The following WFDC10B variants were observed in gnomAD, a reference collection of about 807,000 sequenced individuals.
WFDC10B encodes the protein protein WFDC10B.
Under a neutral mutation model 2.7 loss-of-function variants are expected in WFDC10B, and 1 was observed. That is an observed-to-expected ratio of 0.38 (90% CI 0.13 to 1.79). The LOEUF is 1.79. Ranked by LOEUF, WFDC10B falls within the 40% of genes most tolerant of loss-of-function variation. The pLI is 0.33. For missense variants in WFDC10B, 71 were observed against 87.8 expected, an observed-to-expected ratio of 0.81 and a Z score of 0.76; for synonymous variants, 26 against 32.2, an observed-to-expected ratio of 0.81 and a Z score of 0.65.
chr20:45,689,530 G>T (rs1376566279), intron 2 of WFDC10B, among the ~76,000 whole-genome samples: 2 of 152,136 alleles, frequency 1.3e-5, no homozygotes, highest in Non-Finnish European at 2.9e-5. Context: ...GCAGTGGTTT[G>T]TAGTTCTCCT....
intron 2 of WFDC10B, among the ~76,000 whole-genome samples, chr20:45,689,455 G>A (rs887109318): frequency 1.3e-5 from 2 of 151,984 alleles, no homozygotes; most frequent in Non-Finnish European, 2.9e-5. Context: ...TCATGATATT[G>A]ATTCTTCCTA....
At chr20:45,704,737 T>C (rs767157519) in intron 1 of WFDC10B, 176 bp from the exon 2 acceptor site, 58 of 1,401,040 alleles carry the variant, frequency 4.1e-5, no homozygotes, top group Non-Finnish European at 5.2e-5. Flanking sequence ...CCCCTTCTCT[T>C]GACCAAGGAT....
intron 2 of WFDC10B, among the ~76,000 whole-genome samples, chr20:45,696,847 A>C (rs1983993787): frequency 2.0e-5 from 3 of 152,282 alleles, no homozygotes; most frequent in Admixed American, 2.0e-4. Context: ...ACATTTTTTT[A>C]TTAACACCAA....
chr20:45,687,539 G>A (rs1983660644), intron 2 of WFDC10B, among the ~76,000 whole-genome samples: 1 of 152,146 alleles, frequency 6.6e-6, no homozygotes, highest in Non-Finnish European at 1.5e-5. Context: ...TAATGGGGTT[G>A]CTGGGTCAAA....
intron 2 of WFDC10B, among the ~76,000 whole-genome samples, chr20:45,686,828 T>C (rs994099003): frequency 1.1e-4 from 16 of 151,976 alleles, no homozygotes; most frequent in African/African-American, 2.9e-4. Context: ...ACCCAGATAA[T>C]TGTTGTATTT....
intron 2 of WFDC10B, among the ~76,000 whole-genome samples, chr20:45,686,670 C>T (rs985213274): frequency 2.8e-5 from 4 of 143,522 alleles, no homozygotes; most frequent in African/African-American, 1.0e-4. Context: ...ATAAATTCTT[C>T]TTTTTTTTTT....
At chr20:45,700,582 AT>A (rs1465218524) in intron 2 of WFDC10B, among the ~76,000 whole-genome samples, 4 of 152,236 alleles carry the variant, frequency 2.6e-5, no homozygotes, top group African/African-American at 9.6e-5. Flanking sequence ...GGATATAAAA[AT>A]GTTATCATCT....
intron 2 of WFDC10B, among the ~76,000 whole-genome samples, chr20:45,699,000 G>GGGGAGA (rs1984064924): frequency 6.6e-6 from 1 of 150,884 alleles, no homozygotes; most frequent in Admixed American, 6.6e-5. Flanking sequence ...GGAGAAGGAG[G>GGGGAGA]GGGAGGGGGA....
At chr20:45,704,158 C>G (rs1215683909) in intron 2 of WFDC10B, among the ~76,000 whole-genome samples, 1 of 152,206 alleles carries the variant, frequency 6.6e-6, no homozygotes, top group Non-Finnish European at 1.5e-5. Flanking sequence ...TGGACACAAC[C>G]ATAGTCAATG....
chr20:45,685,078 G>A (rs1380961987), intron 3 of WFDC10B, 118 bp from the exon 4 acceptor site: 4 of 1,327,954 alleles, frequency 3.0e-6, no homozygotes, highest in Non-Finnish European at 4.1e-6. Context: ...GACTCTCCTG[G>A]ACTCTTCAGG....
chr20:45,695,888 C>T (rs1260097035), intron 2 of WFDC10B, among the ~76,000 whole-genome samples: 1 of 151,506 alleles, frequency 6.6e-6, no homozygotes, highest in Non-Finnish European at 1.5e-5. Context: ...AAAAAACTTT[C>T]GGATGAATGA....
At chr20:45,686,521 G>T (rs1332945722) in intron 2 of WFDC10B, among the ~76,000 whole-genome samples, 2 of 144,256 alleles carry the variant, frequency 1.4e-5, no homozygotes, top group Non-Finnish European at 3.0e-5. Context: ...TTCTCAAAAA[G>T]AAAAGACATA....
intron 2 of WFDC10B, among the ~76,000 whole-genome samples, chr20:45,691,482 G>T (rs1568671185): frequency 6.6e-6 from 1 of 150,800 alleles, no homozygotes; most frequent in African/African-American, 2.4e-5. Context: ...AAGTCTCTTT[G>T]TAGGTCACTC....
At chr20:45,694,417 T>C (rs1202309887) in intron 2 of WFDC10B, among the ~76,000 whole-genome samples, 1 of 152,158 alleles carries the variant, frequency 6.6e-6, no homozygotes, top group Admixed American at 6.5e-5. Flanking sequence ...TTGTGTCAAA[T>C]ATTGTTAAAA....
chr20:45,690,290 T>G (rs1055778004), intron 2 of WFDC10B, among the ~76,000 whole-genome samples: 1 of 151,374 alleles, frequency 6.6e-6, no homozygotes, highest in Non-Finnish European at 1.5e-5. Context: ...AGGATATTGG[T>G]CTAAAATTCT....
At chr20:45,696,285 C>CAAAAA (rs368423161) in intron 2 of WFDC10B, among the ~76,000 whole-genome samples, 1 of 48,180 alleles carries the variant, frequency 2.1e-5, no homozygotes, top group African/African-American at 7.5e-5. Context: ...GACTCCGTCT[C>CAAAAA]AAAAAAAAAA....
At chr20:45,700,396 T>C (rs1272117594) in intron 2 of WFDC10B, among the ~76,000 whole-genome samples, 1 of 152,066 alleles carries the variant, frequency 6.6e-6, no homozygotes, top group Non-Finnish European at 1.5e-5. Context: ...GCAAGGACAA[T>C]ATGAGAAAGA....
intron 2 of WFDC10B, among the ~76,000 whole-genome samples, chr20:45,690,789 C>T (rs192883771): frequency 6.6e-6 from 1 of 152,130 alleles, no homozygotes; most frequent in Non-Finnish European, 1.5e-5. Context: ...AAAACCAGCT[C>T]CTAGATTCAT....
intron 2 of WFDC10B, among the ~76,000 whole-genome samples, chr20:45,695,173 G>A (rs756285630): frequency 6.6e-6 from 1 of 152,178 alleles, no homozygotes; most frequent in Non-Finnish European, 1.5e-5. Flanking sequence ...AAGTGCAGGA[G>A]GCCCAAGACT....
Sources: gnomAD v4.1 joint callset for allele counts (sites outside exome capture counted in the v4.1 genomes callset) on GRCh38, gnomAD v4.1.1 for gene constraint, MANE v1.5 for transcripts, NCBI Gene and HGNC (gene_info 2026-07-23, HGNC 2026-07-21) for gene names.